Variants in TGFBRAP1 observed in about 807,000 individuals in gnomAD.
The protein encoded by TGFBRAP1 is transforming growth factor beta receptor associated protein 1.
In TGFBRAP1, 20 loss-of-function variants were observed where a neutral mutation model predicts 83.2. The ratio of observed to expected loss-of-function variants is 0.24; its 90% confidence interval spans 0.17 to 0.35. The LOEUF (loss-of-function observed/expected upper bound fraction) is 0.35, where lower values mean the gene tolerates loss of function less well. Among genes scored for constraint, TGFBRAP1 ranks in the 10% least tolerant of loss-of-function variants. The pLI is 1.00. For missense variants in TGFBRAP1, 950 were observed against 1,099.4 expected, an observed-to-expected ratio of 0.86 and a Z score of 1.92; for synonymous variants, 415 against 459.8, an observed-to-expected ratio of 0.90 and a Z score of 1.25.
intron 1 of TGFBRAP1, among the ~76,000 whole-genome samples, chr2:105,325,626 C>T (rs986511474): frequency 6.6e-6 from 1 of 152,136 alleles, no homozygotes; most frequent in Non-Finnish European, 1.5e-5. Context: ...GCTATTGCTT[C>T]CCCACCGTGA....
intron 1 of TGFBRAP1, among the ~76,000 whole-genome samples, chr2:105,321,644 G>A (rs746246815): frequency 1.3e-5 from 2 of 152,166 alleles, no homozygotes; most frequent in Non-Finnish European, 2.9e-5. Context: ...ACACAGTGGC[G>A]TGCTGTATAA....
intron 5 of TGFBRAP1, among the ~76,000 whole-genome samples, chr2:105,281,099 T>C (rs1677523307): frequency 6.6e-6 from 1 of 152,226 alleles, no homozygotes; most frequent in Non-Finnish European, 1.5e-5. Flanking sequence ...ATCACAGCTC[T>C]GCTGAAACCA....
chr2:105,275,679 C>T lies in TGFBRAP1; in HGVS notation c.1546G>A (p.Asp516Asn), dbSNP rs757409602. ...TCTGAGCGTGTGGAGTCCTGGACAT[C>T]GCCATTCACAATGTTCACCCACAAC... ...VQLWVNIVNG[D>N]VQDSTRSDLY... The change falls in exon 8 of 12, where the codon GAT (aspartate) becomes AAT (asparagine). Residue 516 changes from aspartate (D) to asparagine (N), a missense_variant. By Grantham distance (23) the Asp-to-Asn change is conservative. Coordinates refer to ENST00000393359, the MANE Select transcript of TGFBRAP1 (RefSeq NM_004257.6). The T allele has an allele frequency of 1.9e-5, 31 of 1,608,598 alleles. No homozygotes were observed. Among genetic ancestry groups the T allele is most frequent in the African/African-American group, 2.7e-5 (2 of 74,676 alleles).
the TGFBRAP1 span, among the ~76,000 whole-genome samples, chr2:105,254,851 A>C: frequency 6.6e-6 from 1 of 151,954 alleles, no homozygotes; most frequent in Non-Finnish European, 1.5e-5. Flanking sequence ...AGAGGTAGAG[A>C]CCCCAGAGCT....
chr2:105,255,361 CAG>C, the TGFBRAP1 span, among the ~76,000 whole-genome samples: 1 of 152,098 alleles, frequency 6.6e-6, no homozygotes, highest in South Asian at 2.1e-4. Flanking sequence ...GTGTTGCCCA[CAG>C]TGCAATGGAG....
At chr2:105,307,568 C>T in intron 2 of TGFBRAP1, 46 bp downstream of exon 2, 1 of 1,550,504 alleles carries the variant, frequency 6.4e-7, no homozygotes, top group Non-Finnish European at 8.7e-7. Context: ...CACGCAGTCA[C>T]CGAGGCCACC....
chr2:105,250,924 G>A, the TGFBRAP1 span, among the ~76,000 whole-genome samples: 5 of 152,236 alleles, frequency 3.3e-5, no homozygotes, highest in Non-Finnish European at 7.3e-5. Context: ...CCAAGGTGCC[G>A]GGATGGCAGA....
chr2:105,323,174 C>A (rs1679118275), intron 1 of TGFBRAP1, among the ~76,000 whole-genome samples: 1 of 152,030 alleles, frequency 6.6e-6, no homozygotes, highest in Admixed American at 6.5e-5. Flanking sequence ...CATTGGAGGC[C>A]AGTTTTCTTG....
At chr2:105,296,052 G>A (rs1416430860) in intron 4 of TGFBRAP1, among the ~76,000 whole-genome samples, 1 of 152,086 alleles carries the variant, frequency 6.6e-6, no homozygotes, top group African/African-American at 2.4e-5. Flanking sequence ...TTCTCTGAAG[G>A]TCCACGGAAG....
rs992558538 is a variant in TGFBRAP1, at chr2:105,308,234, T to C, written c.68A>G (p.Glu23Gly). 6.2e-7 allele frequency: 1 copy of C among 1,614,178 alleles called. No homozygotes were observed. The highest frequency in any genetic ancestry group is 1.7e-5 in the Admixed American group (1 of 60,032). The change falls in exon 2 of 12, where the codon GAG (glutamate) becomes GGG (glycine). Residue 23 changes from glutamate to glycine, a missense_variant. Glu to Gly is a moderately conservative substitution (Grantham distance 98). Transcript: ENST00000393359. ...CTCCACGCACTCTATGTTGACGCGC[T>C]CCTTGTCGCCCATCAGCAGCTCCCG... ...VERELLMGDK[E>G]RVNIECVECC...
intron 10 of TGFBRAP1, 50 bp downstream of exon 10, chr2:105,272,805 G>T (rs774822998): frequency 6.3e-7 from 1 of 1,599,260 alleles, no homozygotes; most frequent in South Asian, 1.1e-5. Context: ...CCTCCCACCC[G>T]CTTGATATGA....
Position 105,307,755 on chromosome 2 carries a change from C to T in TGFBRAP1, c.547G>A (p.Ala183Thr), listed in dbSNP as rs769223217. Residue 183 changes from alanine (A) to threonine (T), a missense_variant, in exon 2 of 12, where the codon GCT becomes ACT. By Grantham distance (58) the Ala-to-Thr change is moderately conservative. Coordinates refer to ENST00000393359, the MANE Select transcript of TGFBRAP1 (RefSeq NM_004257.6). Reference protein sequence around the residue: ...VAVDGHFLCLALTTQYIIHNY... With the variant: ...VAVDGHFLCLTLTTQYIIHNY... ...TGGATGATGTACTGAGTGGTCAGAG[C>T]CAGACACAGGAAGTGGCCGTCCACA... 6.2e-7 allele frequency: 1 copy of T among 1,614,166 alleles called. No individual in the cohort carries two copies. The highest frequency in any genetic ancestry group is 8.5e-7 in the Non-Finnish European group (1 of 1,180,032).
chr2:105,295,656 C>T (rs1185899394), intron 4 of TGFBRAP1, among the ~76,000 whole-genome samples: 2 of 151,596 alleles, frequency 1.3e-5, no homozygotes, highest in African/African-American at 4.9e-5. Context: ...ATTAAAAATA[C>T]AAAAATTTGC....
At chr2:105,288,677 C>A (rs1036287987) in intron 4 of TGFBRAP1, among the ~76,000 whole-genome samples, 1 of 152,088 alleles carries the variant, frequency 6.6e-6, no homozygotes, top group Non-Finnish European at 1.5e-5. Context: ...CATACCAACC[C>A]CTTTTTTTAA....
chr2:105,294,056 G>A (rs1030877), intron 4 of TGFBRAP1, among the ~76,000 whole-genome samples: 92,443 of 152,002 alleles, frequency 0.61, 28,567 homozygotes, highest in Non-Finnish European at 0.65. Flanking sequence ...AAAGGGCCCT[G>A]TGGGAAGCGC....
intron 1 of TGFBRAP1, among the ~76,000 whole-genome samples, chr2:105,319,588 A>G (rs7581352): frequency 1.3e-5 from 2 of 148,914 alleles, no homozygotes; most frequent in African/African-American, 4.9e-5. Flanking sequence ...GCTACTTGGG[A>G]GGCTGAGGCA....
chr2:105,267,765 A>G (rs555567235), intron 11 of TGFBRAP1: 2 of 985,450 alleles, frequency 2.0e-6, no homozygotes, highest in Non-Finnish European at 2.4e-6. Flanking sequence ...AAGTTACACA[A>G]TTGCTTTTCT....
intron 1 of TGFBRAP1, among the ~76,000 whole-genome samples, chr2:105,311,822 T>A (rs1253054376): frequency 2.6e-5 from 4 of 151,800 alleles, no homozygotes; most frequent in African/African-American, 9.7e-5. Flanking sequence ...GGCAGGAGAA[T>A]CGCTTGAACT....
intron 1 of TGFBRAP1, among the ~76,000 whole-genome samples, chr2:105,318,698 C>G (rs1353138034): frequency 1.3e-5 from 2 of 152,170 alleles, no homozygotes; most frequent in Non-Finnish European, 2.9e-5. Flanking sequence ...ATGGCCATTT[C>G]TCAGGATATC....
Sources: allele counts gnomAD v4.1 joint callset (sites outside exome capture counted in the v4.1 genomes callset), GRCh38; gene constraint gnomAD v4.1.1; transcripts MANE v1.5; gene names NCBI Gene and HGNC (gene_info 2026-07-23, HGNC 2026-07-21).